Variants in SMPD1 observed in about 807,000 individuals in gnomAD.
The protein encoded by SMPD1 is sphingomyelin phosphodiesterase 1, also known as sphingomyelin phosphodiesterase.
A neutral mutation model predicts 49.7 loss-of-function variants in SMPD1; 47 were observed. That is an observed-to-expected ratio of 0.95 (90% confidence interval 0.75 to 1.21). The LOEUF (loss-of-function observed/expected upper bound fraction) is 1.21, where lower values mean the gene tolerates loss of function less well. SMPD1 is among the 50% of genes most tolerant of loss of function. The probability of loss-of-function intolerance (pLI) is 0.00; values close to 1 mark genes in which losing one functional copy is unlikely to be tolerated. For synonymous variants in SMPD1, 336 were observed against 339.6 expected (o/e 0.99, Z 0.12); for missense variants, 811 against 822.2 (o/e 0.99, Z 0.17).
At chr11:6,393,475 T>A in intron 3 of SMPD1, 88 bp downstream of exon 3, 1 of 1,478,482 alleles carries the variant, frequency 6.8e-7, no homozygotes, top group South Asian at 1.2e-5. Flanking sequence ...GAAGTTTTAT[T>A]TTCCTGGCAT....
At position 6,393,967 on chromosome 11, in the gene SMPD1, A is replaced by G. The variant is rs1440873812; in HGVS notation, c.1412A>G (p.Glu471Gly). The change falls in exon 5 of 6, where the codon GAA becomes GGA. Residue 471 changes from glutamate to glycine, a missense_variant. Transcript: ENST00000342245. ...HVDEFEVFYD[E>G]ETLSRPLAVA... ...GATGAATTTGAGGTCTTCTATGATGAAGAGACTCTGAGCCGGCCGCTGGCT... is the reference window on the plus strand; with the variant it reads ...GATGAATTTGAGGTCTTCTATGATGGAGAGACTCTGAGCCGGCCGCTGGCT... 1 of 1,614,076 alleles carries G rather than the reference A, an allele frequency of 6.2e-7. No individual in the cohort carries two copies. Among genetic ancestry groups the G allele is most frequent in the Non-Finnish European group, 8.5e-7 (1 of 1,180,042 alleles).
In SMPD1 at chr11:6,391,367, C is replaced by T. The variant is rs148370501; in HGVS notation, c.319-17C>T. Reference sequence around the variant, plus strand: ...GCTCTGCCTCTGATTTCTCACCATGCGCTCCTCCCACTGCAGAAGGAACCC... The same window carrying T: ...GCTCTGCCTCTGATTTCTCACCATGTGCTCCTCCCACTGCAGAAGGAACCC... On this transcript the variant is annotated splice_polypyrimidine_tract_variant and intron_variant, in intron 1 of 5. Coordinates refer to ENST00000342245, the MANE Select transcript of SMPD1 (RefSeq NM_000543.5). 12 of 1,611,388 alleles carry T rather than the reference C, an allele frequency of 7.4e-6. No individual in the cohort carries two copies. The highest frequency in any genetic ancestry group is 4.5e-5 in the East Asian group (2 of 44,886).
At position 6,391,616 on chromosome 11, in the gene SMPD1, C is replaced by T. The variant is rs760203204; in HGVS notation, c.551C>T (p.Pro184Leu). ...SSWNISLPTV[P>L]KPPPKPPSPP... ...TGGAACATCTCTTTGCCTACTGTGCCGAAGCCGCCCCCCAAACCCCCTAGC... is the reference window on the plus strand; with the variant it reads ...TGGAACATCTCTTTGCCTACTGTGCTGAAGCCGCCCCCCAAACCCCCTAGC... Residue 184 changes from proline (P) to leucine (L), a missense_variant, in exon 2 of 6, where the codon CCG (proline) becomes CTG (leucine). Pro to Leu is a moderately conservative substitution (Grantham distance 98, BLOSUM62 -3). Transcript: ENST00000342245. The T allele has an allele frequency of 1.7e-5, 26 of 1,570,668 alleles. No individual in the cohort carries two copies. In the African/African-American group the frequency reaches 1.9e-4, roughly 11 times the overall value.
In SMPD1 at chr11:6,392,151, C is replaced by T. The variant is rs1420869926; in HGVS notation, c.1086C>T (p.Thr362=). The change falls in exon 2 of 6, where the codon ACC becomes ACT. Residue 362 remains threonine, a synonymous_variant. Transcript: ENST00000342245. The part of the protein sequence containing the change: ...EPWLPAEALR[T]LRIGGFYALS... Reference sequence around the variant, plus strand: ...GGCTGCCTGCCGAAGCCCTGCGCACCCTCAGGTACTTATCGTCCGTGGAAA... The same window carrying T: ...GGCTGCCTGCCGAAGCCCTGCGCACTCTCAGGTACTTATCGTCCGTGGAAA... 3 of 1,613,994 alleles carry T rather than the reference C, an allele frequency of 1.9e-6. No homozygotes were observed. The highest frequency in any genetic ancestry group is 2.2e-5 in the East Asian group (1 of 44,896).
At position 6,391,632 on chromosome 11, in the gene SMPD1, A is replaced by AACCCCACCCCCCCCCC; in HGVS notation, c.567_568insACCCCACCCCCCCCCC (p.Pro190ThrfsTer8). On this transcript the variant is annotated frameshift_variant, in exon 2 of 6. Transcript: ENST00000342245. LOFTEE classifies it high-confidence loss of function. ...CTACTGTGCCGAAGCCGCCCCCCAAACCCCCTAGCCCCCCAGCCCCAGGTG... is the reference window on the plus strand; with the variant it reads ...CTACTGTGCCGAAGCCGCCCCCCAAAACCCCACCCCCCCCCCCCCCCTAGCCCCCCAGCCCCAGGTG... The AACCCCACCCCCCCCCC allele has an allele frequency of 6.7e-7, 1 of 1,497,606 alleles. No individual in the cohort carries two copies. The highest frequency in any genetic ancestry group is 9.0e-7 in the Non-Finnish European group (1 of 1,113,372). 92.8% of individuals were successfully genotyped at this position (1,497,606 alleles called of 1,614,324 possible).
Position 6,394,387 on chromosome 11 carries a change from T to G in SMPD1, c.1676T>G (p.Val559Gly). 6.2e-7 allele frequency: 1 copy of G among 1,614,218 alleles called. No homozygotes were observed. Among genetic ancestry groups the G allele is most frequent in the Non-Finnish European group, 8.5e-7 (1 of 1,180,030 alleles). ...NTLPTAWHNL[V>G]YRMRGDMQLF... ...CTGCCTACCGCCTGGCACAACCTGG[T>G]ATATCGCATGCGGGGCGACATGCAA... Residue 559 changes from valine (V) to glycine (G), a missense_variant, in exon 6 of 6, where the codon GTA becomes GGA. Transcript: ENST00000342245.
At position 6,394,307 on chromosome 11, in the gene SMPD1, A is replaced by G; in HGVS notation, c.1596A>G (p.Ile532Met). Residue 532 changes from isoleucine (I) to methionine (M), a missense_variant, in exon 6 of 6, where the codon ATA becomes ATG. Transcript: ENST00000342245. Reference sequence around the variant, plus strand: ...CCCAGGCAAACATACCGGGAGCCATACCGCACTGGCAGCTTCTCTACAGGG... The same window carrying G: ...CCCAGGCAAACATACCGGGAGCCATGCCGCACTGGCAGCTTCTCTACAGGG... ...NLTQANIPGA[I>M]PHWQLLYRAR... The G allele has an allele frequency of 6.2e-7, 1 of 1,614,228 alleles. No individual in the cohort carries two copies. Among genetic ancestry groups the G allele is most frequent in the Non-Finnish European group, 8.5e-7 (1 of 1,180,028 alleles).
At position 6,393,681 on chromosome 11, in the gene SMPD1, G is replaced by A. The variant is rs377609894; in HGVS notation, c.1328G>A (p.Arg443Gln). ...CLKSWSWNYYRIVARYENTLA... is the reference protein window; with the variant it reads ...CLKSWSWNYYQIVARYENTLA... Reference sequence around the variant, plus strand: ...AAGAGCTGGAGCTGGAATTATTACCGAATTGTAGCCAGGTAGGACGGAGAT... The same window carrying A: ...AAGAGCTGGAGCTGGAATTATTACCAAATTGTAGCCAGGTAGGACGGAGAT... Residue 443 changes from arginine (R) to glutamine (Q), a missense_variant, in exon 4 of 6, where the codon CGA becomes CAA. By Grantham distance (43) the Arg-to-Gln change is conservative (BLOSUM62 1). Transcript: ENST00000342245. 135 of 1,613,650 alleles carry A rather than the reference G, an allele frequency of 8.4e-5. No individual in the cohort carries two copies. Among genetic ancestry groups the A allele is most frequent in the East Asian group, 1.8e-4 (8 of 44,888 alleles).
chr11:6,394,570 A>AGGCCCAGAGCCTGT lies in SMPD1; in HGVS notation c.1864_1877dup (p.Pro628AlafsTer79). 6.2e-7 allele frequency: 1 copy of AGGCCCAGAGCCTGT among 1,605,828 alleles called. No individual in the cohort carries two copies. Among genetic ancestry groups the AGGCCCAGAGCCTGT allele is most frequent in the East Asian group, 2.2e-5 (1 of 44,878 alleles). On this transcript the variant is annotated frameshift_variant, in exon 6 of 6. Transcript: ENST00000342245. LOFTEE classifies it low-confidence loss of function (END_TRUNC). ...CTGATGCCAGATGGGAGCCTCCCAG[A>AGGCCCAGAGCCTGT]GGCCCAGAGCCTGTGGCCAAGGCCA...
chr11:6,391,721 C>T lies in SMPD1; in HGVS notation c.656C>T (p.Thr219Met), dbSNP rs759439337. 8.7e-6 allele frequency: 14 copies of T among 1,611,386 alleles called. No homozygotes were observed. The highest frequency in any genetic ancestry group is 4.5e-5 in the East Asian group (2 of 44,820). ...TGGGATCATGACTACCTGGAGGGCA[C>T]GGACCCTGACTGTGCAGACCCACTG... ...LHWDHDYLEG[T>M]DPDCADPLCC... Residue 219 changes from threonine to methionine, a missense_variant, in exon 2 of 6, where the codon ACG becomes ATG. Physicochemically the swap from Thr to Met is moderately conservative, Grantham distance 81 (BLOSUM62 -1). Coordinates refer to ENST00000342245, the MANE Select transcript of SMPD1 (RefSeq NM_000543.5).
chr11:6,392,486 C>CTTTTTTTTTTTTTTTTTTTTTTT (rs754271358), intron 2 of SMPD1, among the ~76,000 whole-genome samples: 1 of 45,684 alleles, frequency 2.2e-5, no homozygotes, highest in African/African-American at 9.1e-5. Flanking sequence ...CTGGCCCTCC[C>CTTTTTTTTTTTTTTTTTTTTTTT]TTTTTTTTTT....
rs747143343 is a variant in SMPD1, at chr11:6,393,898, A to G, written c.1343A>G (p.Tyr448Cys). The G allele has an allele frequency of 4.3e-6, 7 of 1,614,012 alleles. No individual in the cohort carries two copies. In the Admixed American group the frequency reaches 1.0e-4, roughly 23 times the overall value. Residue 448 changes from tyrosine to cysteine, a missense_variant and splice_region_variant, in exon 5 of 6, where the codon TAT becomes TGT. Coordinates refer to ENST00000342245, the MANE Select transcript of SMPD1 (RefSeq NM_000543.5). ...TGAATGTAGTACCTTCTGGCCAGGT[A>G]TGAGAACACCCTGGCTGCTCAGTTC... ...SWNYYRIVAR[Y>C]ENTLAAQFFG...
chr11:6,392,818 T>C (rs768459878), intron 2 of SMPD1, among the ~76,000 whole-genome samples: 1 of 152,010 alleles, frequency 6.6e-6, no homozygotes, highest in Non-Finnish European at 1.5e-5. Flanking sequence ...TCTACTCTTA[T>C]CTCCAGCCAC....
chr11:6,391,551 C>T lies in SMPD1; in HGVS notation c.486C>T (p.Leu162=), dbSNP rs758313663. Residue 162 remains leucine (L), a synonymous_variant, in exon 2 of 6, where the codon CTC becomes CTT. Coordinates refer to ENST00000342245, the MANE Select transcript of SMPD1 (RefSeq NM_000543.5). Reference sequence around the variant, plus strand: ...GCCCATCTGAGGCCTGTGGCCTGCTCCTGGGCTCCACCTGTGGGCACTGGG... The same window carrying T: ...GCCCATCTGAGGCCTGTGGCCTGCTTCTGGGCTCCACCTGTGGGCACTGGG... ...VLSPSEACGL[L]LGSTCGHWDI... The T allele has an allele frequency of 6.2e-7, 1 of 1,613,848 alleles. No homozygotes were observed. The highest frequency in any genetic ancestry group is 8.5e-7 in the Non-Finnish European group (1 of 1,179,932).
chr11:6,390,582 G>A lies in SMPD1; in HGVS notation c.-17G>A, dbSNP rs757482767. 3 of 1,609,530 alleles carry A rather than the reference G, an allele frequency of 1.9e-6. No homozygotes were observed. The highest frequency in any genetic ancestry group is 3.4e-5 in the Admixed American group (2 of 59,632). ...GGGACGGGACAGACGAACCAGCCCC[G>A]TGTAGGAAGCGCGACAATGCCCCGC... On this transcript the variant is annotated 5_prime_UTR_variant, in exon 1 of 6. The change creates a new upstream start codon in the 5' untranslated region. Coordinates refer to ENST00000342245, the MANE Select transcript of SMPD1 (RefSeq NM_000543.5).
rs201550531 is a variant in SMPD1, at chr11:6,392,119, G to C, written c.1054G>C (p.Glu352Gln). The C allele has an allele frequency of 1.2e-6, 2 of 1,614,082 alleles. No individual in the cohort carries two copies. The change falls in exon 2 of 6, where the codon GAG (glutamate) becomes CAG (glutamine). Residue 352 changes from glutamate (E) to glutamine (Q), a missense_variant. Glu to Gln is a conservative substitution (Grantham distance 29). Coordinates refer to ENST00000342245, the MANE Select transcript of SMPD1 (RefSeq NM_000543.5). ...CTATGAAGCGATGGCCAAGGCTTGG[G>C]AGCCCTGGCTGCCTGCCGAAGCCCT... ...WLYEAMAKAW[E>Q]PWLPAEALRT...
At chr11:6,392,268 T>G in intron 2 of SMPD1, 112 bp downstream of exon 2, 1 of 1,174,928 alleles carries the variant, frequency 8.5e-7, no homozygotes, top group Non-Finnish European at 1.3e-6. Context: ...TCCTTAGTGC[T>G]CTTCATTTGG....
chr11:6,390,988 G>A (rs902010542), intron 1 of SMPD1, 72 bp downstream of exon 1: 3 of 1,572,532 alleles, frequency 1.9e-6, no homozygotes, highest in Non-Finnish European at 2.6e-6. Context: ...GCTGATGCTG[G>A]TGCGCTGGGC....
chr11:6,391,325 G>A lies in SMPD1; in HGVS notation c.319-59G>A, dbSNP rs59102147. The A allele has an allele frequency of 3.7e-3, 5,775 of 1,576,044 alleles. 190 individuals are homozygous for A. The African/African-American group carries it at 0.067, about 18-fold the overall frequency. The stretch of plus-strand genomic sequence containing the variant: ...GAGGCCCAAGGGGTGGTGGCCAGGG[G>A]TTGGCCTGGTTCCTCTGCTCTGCCT... On this transcript the variant is annotated intron_variant, in intron 1 of 5. Transcript: ENST00000342245.
Sources: gnomAD v4.1 joint callset for allele counts (sites outside exome capture counted in the v4.1 genomes callset) on GRCh38, gnomAD v4.1.1 for gene constraint, MANE v1.5 for transcripts, NCBI Gene and HGNC (gene_info 2026-07-23, HGNC 2026-07-21) for gene names.